Variants in LYPLAL1 observed in about 807,000 individuals in gnomAD.
LYPLAL1 encodes lysophospholipase-like protein 1.
A neutral mutation model predicts 19.7 loss-of-function variants in LYPLAL1; 23 were observed. That is an observed-to-expected ratio of 1.17 (90% CI 0.84 to 1.65). LYPLAL1 has a LOEUF of 1.65. Among genes scored for constraint, LYPLAL1 ranks in the 40% most tolerant of loss-of-function variants. The pLI, the probability that LYPLAL1 is intolerant of heterozygous loss-of-function variation, is 0.00. For synonymous variants in LYPLAL1, 119 were observed against 96.3 expected (o/e 1.24, Z -1.38); for missense variants, 355 against 279.4 (o/e 1.27, Z -1.93).
the LYPLAL1 span, among the ~76,000 whole-genome samples, chr1:219,280,933 C>A: frequency 6.6e-6 from 1 of 152,198 alleles, no homozygotes; most frequent in East Asian, 1.9e-4. Context: ...CCTGTAATGC[C>A]AGCTCCTCAG....
the LYPLAL1 span, among the ~76,000 whole-genome samples, chr1:219,239,484 A>G: frequency 6.6e-6 from 1 of 152,146 alleles, no homozygotes; most frequent in Non-Finnish European, 1.5e-5. Context: ...TGACAATGAA[A>G]TTTTCTTTAT....
the LYPLAL1 span, among the ~76,000 whole-genome samples, chr1:219,277,284 A>G: frequency 6.6e-6 from 1 of 152,132 alleles, no homozygotes; most frequent in Admixed American, 6.6e-5. Flanking sequence ...GTCCTTTATG[A>G]TGCATTTTGG....
the LYPLAL1 span, among the ~76,000 whole-genome samples, chr1:219,261,893 C>A: frequency 1.3e-5 from 2 of 152,124 alleles, no homozygotes; most frequent in Admixed American, 1.3e-4. Context: ...AGGTCTGGAT[C>A]TTTGGCAAGG....
chr1:219,210,712 A>G, intron 4 of LYPLAL1, 65 bp downstream of exon 4: 2 of 1,449,802 alleles, frequency 1.4e-6, no homozygotes, highest in Admixed American at 4.1e-5. Flanking sequence ...AACTAAAGCA[A>G]AATCGGTAAT....
the LYPLAL1 span, among the ~76,000 whole-genome samples, chr1:219,323,924 G>A: frequency 6.6e-6 from 1 of 152,112 alleles, no homozygotes; most frequent in Non-Finnish European, 1.5e-5. Context: ...AGTGACTTGA[G>A]TCTCCTTACC....
chr1:219,420,690 C>T, the LYPLAL1 span, among the ~76,000 whole-genome samples: 1 of 152,024 alleles, frequency 6.6e-6, no homozygotes, highest in Non-Finnish European at 1.5e-5. Context: ...AATTGCTGAC[C>T]ACCTGCAAGA....
At chr1:219,385,619 A>G in the LYPLAL1 span, among the ~76,000 whole-genome samples, 1 of 152,132 alleles carries the variant, frequency 6.6e-6, no homozygotes, top group Non-Finnish European at 1.5e-5. Flanking sequence ...AGGGCAATAA[A>G]GAGGAAAGCT....
intron 2 of LYPLAL1, among the ~76,000 whole-genome samples, chr1:219,187,917 G>C (rs2125050996): frequency 6.6e-6 from 1 of 151,730 alleles, no homozygotes; most frequent in African/African-American, 2.4e-5. Context: ...GTTTAAATAG[G>C]TACTAGTATG....
At chr1:219,175,453 TA>T (rs1270523991) in intron 1 of LYPLAL1, among the ~76,000 whole-genome samples, 4 of 152,218 alleles carry the variant, frequency 2.6e-5, no homozygotes, top group Non-Finnish European at 5.9e-5. Context: ...CCCTTTCTCA[TA>T]ATCAATTCTC....
the LYPLAL1 span, among the ~76,000 whole-genome samples, chr1:219,319,968 C>T: frequency 1.7e-3 from 258 of 152,278 alleles, 1 homozygote; most frequent in Non-Finnish European, 3.1e-3. Context: ...GACCTAAACA[C>T]TAATCTTTAA....
the LYPLAL1 span, among the ~76,000 whole-genome samples, chr1:219,421,223 A>C: frequency 6.6e-6 from 1 of 152,212 alleles, no homozygotes; most frequent in Admixed American, 6.5e-5. Flanking sequence ...TGGGACATCT[A>C]ATCAATCCAG....
At chr1:219,361,755 T>A in the LYPLAL1 span, among the ~76,000 whole-genome samples, 3 of 152,150 alleles carry the variant, frequency 2.0e-5, no homozygotes, top group Non-Finnish European at 4.4e-5. Context: ...GAGAAAATTA[T>A]TATTCACATT....
At chr1:219,246,803 C>T in the LYPLAL1 span, among the ~76,000 whole-genome samples, 2 of 152,184 alleles carry the variant, frequency 1.3e-5, no homozygotes, top group Non-Finnish European at 1.5e-5. Context: ...CCAGGCTGGT[C>T]TCAAATTCCT....
chr1:219,320,031 G>A, the LYPLAL1 span, among the ~76,000 whole-genome samples: 1 of 152,106 alleles, frequency 6.6e-6, no homozygotes, highest in African/African-American at 2.4e-5. Context: ...AAGGAAACTG[G>A]AGAAAATAGC....
At chr1:219,179,058 C>A in intron 1 of LYPLAL1, 89 bp from the exon 2 acceptor site, 1 of 798,800 alleles carries the variant, frequency 1.3e-6, no homozygotes, top group Non-Finnish European at 2.0e-6. Context: ...TTTATTCCAT[C>A]CTCTGTGTGA....
At chr1:219,373,882 C>CAA in the LYPLAL1 span, among the ~76,000 whole-genome samples, 73 of 119,588 alleles carry the variant, frequency 6.1e-4, no homozygotes, top group African/African-American at 1.9e-3. Context: ...AAAAAAAAAA[C>CAA]AAAAAAAAAA....
At chr1:219,366,667 A>G in the LYPLAL1 span, among the ~76,000 whole-genome samples, 1 of 152,200 alleles carries the variant, frequency 6.6e-6, no homozygotes, top group Non-Finnish European at 1.5e-5. Context: ...ATTGGGGCCA[A>G]ATCAAGTTAC....
chr1:219,239,954 GA>G, the LYPLAL1 span, among the ~76,000 whole-genome samples: 3 of 152,184 alleles, frequency 2.0e-5, no homozygotes, highest in Non-Finnish European at 4.4e-5. Context: ...CTAGGGTGAA[GA>G]AAAGGTCACA....
the LYPLAL1 span, among the ~76,000 whole-genome samples, chr1:219,356,267 C>A: frequency 1.3e-5 from 2 of 151,914 alleles, no homozygotes; most frequent in East Asian, 3.9e-4. Flanking sequence ...TTTGGGAGGC[C>A]GAGGTGGGCG....
Sources: allele counts gnomAD v4.1 joint callset (sites outside exome capture counted in the v4.1 genomes callset), GRCh38; gene constraint gnomAD v4.1.1; transcripts MANE v1.5; gene names NCBI Gene and HGNC (gene_info 2026-07-23, HGNC 2026-07-21).